The following MTA3 variants were observed in gnomAD, a reference collection of about 807,000 sequenced individuals.
MTA3 encodes metastasis-associated protein MTA3.
A neutral mutation model predicts 83.5 loss-of-function variants in MTA3; 34 were observed. That is an observed-to-expected ratio of 0.41 (90% CI 0.31 to 0.54). The LOEUF (loss-of-function observed/expected upper bound fraction) is 0.54. Among genes scored for constraint, MTA3 ranks in the 20% least tolerant of loss-of-function variants. The pLI is 0.33. For missense variants in MTA3, 761 were observed against 726.4 expected (o/e 1.05, Z -0.55); for synonymous variants, 303 against 252.7 (o/e 1.20, Z -1.89).
At chr2:42,600,269 G>C (rs1183163727) in intron 3 of MTA3, among the ~76,000 whole-genome samples, 1 of 152,106 alleles carries the variant, frequency 6.6e-6, no homozygotes, top group Admixed American at 6.6e-5. Context: ...CTGTAAAGGG[G>C]AAAGGGCAAC....
intron 2 of MTA3, among the ~76,000 whole-genome samples, chr2:42,558,141 C>G (rs1677487145): frequency 6.6e-6 from 1 of 152,040 alleles, no homozygotes; most frequent in Admixed American, 6.6e-5. Flanking sequence ...TTTTTCACAC[C>G]TCCCTCAATG....
chr2:42,668,727 T>A (rs1249402858), intron 8 of MTA3, among the ~76,000 whole-genome samples: 1 of 152,176 alleles, frequency 6.6e-6, no homozygotes, highest in African/African-American at 2.4e-5. Flanking sequence ...ATATGGTCAT[T>A]AGGCTATGAT....
At chr2:42,580,672 T>C (rs761415095) in intron 3 of MTA3, among the ~76,000 whole-genome samples, 1 of 152,088 alleles carries the variant, frequency 6.6e-6, no homozygotes, top group Non-Finnish European at 1.5e-5. Flanking sequence ...CTCAGCTCAC[T>C]GTAACCTCTG....
chr2:42,691,153 A>G (rs964312491), intron 9 of MTA3, among the ~76,000 whole-genome samples: 1 of 152,116 alleles, frequency 6.6e-6, no homozygotes, highest in Non-Finnish European at 1.5e-5. Context: ...TTGAGATTAC[A>G]GGCGCATGCC....
intron 5 of MTA3, among the ~76,000 whole-genome samples, chr2:42,642,407 G>C (rs536471235): frequency 1.8e-4 from 27 of 152,102 alleles, no homozygotes; most frequent in African/African-American, 5.8e-4. Flanking sequence ...TGTGATCCCA[G>C]CACTTTGGGA....
At chr2:42,727,843 G>C (rs953774094) in intron 16 of MTA3, among the ~76,000 whole-genome samples, 1 of 152,046 alleles carries the variant, frequency 6.6e-6, no homozygotes, top group East Asian at 1.9e-4. Flanking sequence ...GTAGATGTAT[G>C]TATTTATGGG....
intron 2 of MTA3, among the ~76,000 whole-genome samples, chr2:42,535,395 C>G (rs928519322): frequency 6.6e-6 from 1 of 151,532 alleles, no homozygotes; most frequent in Non-Finnish European, 1.5e-5. Context: ...AAAAAAAAAA[C>G]AGACAAACTT....
chr2:42,632,708 C>T (rs1686803025), intron 4 of MTA3, among the ~76,000 whole-genome samples: 2 of 152,108 alleles, frequency 1.3e-5, no homozygotes, highest in African/African-American at 4.8e-5. Context: ...CATCTCAAAA[C>T]ATAATTTGTC....
intron 3 of MTA3, among the ~76,000 whole-genome samples, chr2:42,591,566 AAC>A (rs1319104648): frequency 2.0e-5 from 3 of 152,186 alleles, no homozygotes; most frequent in African/African-American, 4.8e-5. Flanking sequence ...TTAAAACACA[AAC>A]ACATTGAATG....
chr2:42,517,875 A>AAAG (rs1456593364), intron 2 of MTA3, among the ~76,000 whole-genome samples: 1 of 151,010 alleles, frequency 6.6e-6, no homozygotes, highest in Non-Finnish European at 1.5e-5. Flanking sequence ...AAAAAAAAAA[A>AAAG]AAAAAAGAAG....
At chr2:42,673,200 G>C (rs1691001118) in intron 8 of MTA3, among the ~76,000 whole-genome samples, 1 of 151,738 alleles carries the variant, frequency 6.6e-6, no homozygotes, top group Non-Finnish European at 1.5e-5. Context: ...TTACTCATGA[G>C]AGTTTATTAT....
intron 4 of MTA3, among the ~76,000 whole-genome samples, chr2:42,628,830 A>G (rs904981501): frequency 4.0e-5 from 6 of 148,450 alleles, no homozygotes; most frequent in African/African-American, 7.5e-5. Flanking sequence ...TTGAAGGGAA[A>G]TTTTTCCTCG....
At chr2:42,520,098 A>G (rs1675351872) in intron 2 of MTA3, among the ~76,000 whole-genome samples, 1 of 152,194 alleles carries the variant, frequency 6.6e-6, no homozygotes, top group Non-Finnish European at 1.5e-5. Context: ...AATTTAGGGT[A>G]GCAGGGTCAT....
intron 2 of MTA3, among the ~76,000 whole-genome samples, chr2:42,503,019 A>G (rs1357082316): frequency 2.6e-5 from 4 of 152,008 alleles, no homozygotes; most frequent in Non-Finnish European, 5.9e-5. Context: ...CCTGATCCAG[A>G]CCCCAAGAGA....
At chr2:42,637,564 A>G (rs1187480345) in intron 4 of MTA3, among the ~76,000 whole-genome samples, 1 of 152,224 alleles carries the variant, frequency 6.6e-6, no homozygotes, top group Non-Finnish European at 1.5e-5. Context: ...ATGGTAATAT[A>G]TGTGTTAATT....
At chr2:42,563,337 T>G (rs774114609) in intron 2 of MTA3, among the ~76,000 whole-genome samples, 8 of 149,044 alleles carry the variant, frequency 5.4e-5, no homozygotes, top group Non-Finnish European at 1.2e-4. Context: ...CCTGGCTAAT[T>G]TTTGTATTTT....
chr2:42,520,898 G>A (rs544217490), intron 2 of MTA3, among the ~76,000 whole-genome samples: 1 of 152,090 alleles, frequency 6.6e-6, no homozygotes, highest in Non-Finnish European at 1.5e-5. Flanking sequence ...CTCCACCCCA[G>A]TGGAGCTCCC....
At chr2:42,659,587 A>G in intron 7 of MTA3, 176 bp from the exon 8 acceptor site, 1 of 319,798 alleles carries the variant, frequency 3.1e-6, no homozygotes, top group East Asian at 5.6e-5. Flanking sequence ...GTCAATTATT[A>G]TATCTTATAG....
At chr2:42,585,664 G>C (rs1016317404) in intron 3 of MTA3, among the ~76,000 whole-genome samples, 1 of 151,612 alleles carries the variant, frequency 6.6e-6, no homozygotes, top group Non-Finnish European at 1.5e-5. Flanking sequence ...TATAGAGACC[G>C]GGTTTCACCG....
Sources: allele counts gnomAD v4.1 joint callset (sites outside exome capture counted in the v4.1 genomes callset), GRCh38; gene constraint gnomAD v4.1.1; transcripts MANE v1.5; gene names NCBI Gene and HGNC (gene_info 2026-07-23, HGNC 2026-07-21).